The following TANGO2 variants were observed in gnomAD, a reference collection of about 807,000 sequenced individuals.
TANGO2 encodes transport and Golgi organization protein 2 homolog.
Under a neutral mutation model 39.1 loss-of-function variants are expected in TANGO2, and 26 were observed. The ratio of observed to expected loss-of-function variants is 0.67; its 90% CI spans 0.49 to 0.92. TANGO2 has a LOEUF of 0.92. Among genes scored for constraint, TANGO2 ranks in the 40% least tolerant of loss-of-function variants. TANGO2 has a pLI of 0.00. For missense variants in TANGO2, 326 were observed against 360.1 expected, an observed-to-expected ratio of 0.91 and a Z score of 0.77; for synonymous variants, 131 against 144.5, an observed-to-expected ratio of 0.91 and a Z score of 0.67.
chr22:20,036,915 C>T lies in TANGO2; in HGVS notation c.56+61C>T, dbSNP rs534937853. On this transcript the variant is annotated intron_variant, in intron 2 of 8. Transcript: ENST00000327374. ...GGGTCCTGGGTGCCCAGCCAGTTCT[C>T]ATGCCACCCAAGCTGCTGTGTGCAG... 480 of 1,614,162 alleles carry T rather than the reference C, an allele frequency of 3.0e-4. 2 individuals carry two copies. Among genetic ancestry groups the T allele is most frequent in the Admixed American group, 1.7e-5 (1 of 60,028 alleles).
chr22:20,031,961 T>C (rs1156396374), intron 1 of TANGO2, among the ~76,000 whole-genome samples: 1 of 152,188 alleles, frequency 6.6e-6, no homozygotes, highest in Admixed American at 6.5e-5. Context: ...CACTGCTTCT[T>C]CACCTCTAGC....
chr22:20,046,444 C>T (rs1297577056), intron 3 of TANGO2, among the ~76,000 whole-genome samples: 1 of 151,154 alleles, frequency 6.6e-6, no homozygotes, highest in Non-Finnish European at 1.5e-5. Flanking sequence ...CCATGGTGCC[C>T]AGCCAAGGCT....
At chr22:20,043,851 T>C (rs2044510486) in intron 3 of TANGO2, among the ~76,000 whole-genome samples, 1 of 152,138 alleles carries the variant, frequency 6.6e-6, no homozygotes, top group South Asian at 2.1e-4. Flanking sequence ...GTGTTTCTGT[T>C]TGTATATGAG....
upstream of TANGO2, among the ~76,000 whole-genome samples, chr22:20,018,124 C>G (rs558730995): frequency 6.6e-6 from 1 of 152,342 alleles, no homozygotes; most frequent in South Asian, 2.1e-4. Context: ...CAAGAACTCA[C>G]TGCTGGGACC....
At chr22:20,063,184 G>T in intron 7 of TANGO2, 154 bp from the exon 8 acceptor site, 2 of 602,268 alleles carry the variant, frequency 3.3e-6, no homozygotes, top group Non-Finnish European at 5.9e-6. Flanking sequence ...GAAAAGAGAA[G>T]AGAAGAGGAA....
At chr22:20,027,979 A>C (rs1456842922) in intron 1 of TANGO2, among the ~76,000 whole-genome samples, 1 of 151,892 alleles carries the variant, frequency 6.6e-6, no homozygotes, top group Admixed American at 6.6e-5. Flanking sequence ...TTGTATTTTT[A>C]GTAGAGACCG....
At chr22:20,017,966 G>A (rs1327275781), upstream of TANGO2, among the ~76,000 whole-genome samples, 2 of 152,180 alleles carry the variant, frequency 1.3e-5, no homozygotes, top group African/African-American at 2.4e-5. Context: ...CTCCAAGGCC[G>A]CCTGGGGAAC....
chr22:20,017,804 A>AG (rs1365976098), upstream of TANGO2, among the ~76,000 whole-genome samples: 2 of 152,164 alleles, frequency 1.3e-5, no homozygotes, highest in East Asian at 3.9e-4. Context: ...CTTGTGGTGT[A>AG]GGGGGGAACC....
rs368974879 is a variant in TANGO2 at position 20,060,554 on chromosome 22, C to T, written c.452-976C>T. Reference sequence around the variant, plus strand: ...TGCTGGGATTATAGGAGTGAGCCACCTCTCTTGACCTGAGTTAACTTTTGT... The same window carrying T: ...TGCTGGGATTATAGGAGTGAGCCACTTCTCTTGACCTGAGTTAACTTTTGT... On this transcript the variant is annotated intron_variant, in intron 6 of 8. Transcript: ENST00000327374. 3.9e-5 allele frequency among the ~76,000 whole-genome samples: 6 copies of T among 152,140 alleles called. No homozygotes were observed. In the East Asian group the frequency reaches 7.7e-4, roughly 20 times the overall value.
intron 2 of TANGO2, among the ~76,000 whole-genome samples, chr22:20,042,946 C>T (rs893309701): frequency 1.4e-4 from 21 of 152,234 alleles, no homozygotes; most frequent in African/African-American, 4.8e-4. Context: ...CTTGAGCTCA[C>T]GCTTCCAAGA....
At chr22:20,036,882 G>T (rs375850305) in intron 2 of TANGO2, 28 bp downstream of exon 2, 2 of 1,614,052 alleles carry the variant, frequency 1.2e-6, no homozygotes, top group Non-Finnish European at 8.5e-7. Flanking sequence ...CATCTGCTGC[G>T]CCCTGCAGGG....
chr22:20,033,145 C>T (rs770398595), intron 1 of TANGO2: 2 of 504,036 alleles, frequency 4.0e-6, no homozygotes, highest in East Asian at 6.5e-5. Context: ...GAGCAGGGGG[C>T]GAGGGATTGG....
chr22:20,063,240 C>T (rs1163204669), intron 7 of TANGO2, 98 bp from the exon 8 acceptor site: 9 of 980,674 alleles, frequency 9.2e-6, no homozygotes, highest in Non-Finnish European at 1.3e-5. Context: ...CCCGGCCACT[C>T]CCCAGAGCCA....
chr22:20,034,145 C>T (rs1014196204), intron 1 of TANGO2, among the ~76,000 whole-genome samples: 5 of 152,124 alleles, frequency 3.3e-5, no homozygotes, highest in African/African-American at 4.8e-5. Context: ...GCGGAGGTTG[C>T]GGTGAGCCGA....
chr22:20,020,118 C>T (rs1020779179), upstream of TANGO2, among the ~76,000 whole-genome samples: 1 of 152,204 alleles, frequency 6.6e-6, no homozygotes, highest in Non-Finnish European at 1.5e-5. Flanking sequence ...CTCTTGCTTG[C>T]CACCTTTTTC....
At chr22:20,033,412 G>C (rs530997861) in intron 1 of TANGO2, among the ~76,000 whole-genome samples, 1 of 152,218 alleles carries the variant, frequency 6.6e-6, no homozygotes, top group African/African-American at 2.4e-5. Context: ...CTGAACTGGG[G>C]GTGCCTTTCT....
At position 20,052,575 on chromosome 22, in the gene TANGO2, C is replaced by G; in HGVS notation, c.256C>G (p.Arg86Gly). 6.4e-7 allele frequency: 1 copy of G among 1,552,430 alleles called. No homozygotes were observed. Residue 86 changes from arginine (R) to glycine (G), a missense_variant, in exon 4 of 9, where the codon CGA becomes GGA. Arg to Gly is a moderately radical substitution (Grantham distance 125). Transcript: ENST00000327374. ...YLQPQLDWQA[R>G]GRGELVTHFL... ...GCAGCCGCAGCTGGACTGGCAGGCC[C>G]GAGGGCGAGGTAAGGCGAGTGGGGT...
chr22:20,042,697 G>A (rs759596453), intron 2 of TANGO2, among the ~76,000 whole-genome samples: 39 of 152,110 alleles, frequency 2.6e-4, no homozygotes, highest in Non-Finnish European at 5.0e-4. Flanking sequence ...CCCGGGAGGC[G>A]GGAGTTGCAG....
chr22:20,046,797 C>T (rs1358160441), intron 3 of TANGO2, among the ~76,000 whole-genome samples: 3 of 152,122 alleles, frequency 2.0e-5, no homozygotes, highest in Non-Finnish European at 4.4e-5. Context: ...ATCCTTCCCC[C>T]AGCCCAATTT....
Sources: gnomAD v4.1 joint callset for allele counts (sites outside exome capture counted in the v4.1 genomes callset) on GRCh38, gnomAD v4.1.1 for gene constraint, MANE v1.5 for transcripts, NCBI Gene and HGNC (gene_info 2026-07-23, HGNC 2026-07-21) for gene names.